STK26: variants seen among roughly 807,000 people sequenced by gnomAD.
STK26 encodes the protein serine/threonine kinase 26, also known as serine/threonine-protein kinase 26.
Under a neutral mutation model 34.7 loss-of-function variants are expected in STK26, and 14 were observed. That is an observed-to-expected ratio of 0.40 (90% CI 0.27 to 0.63). STK26 has a LOEUF of 0.63. STK26 is among the 30% of genes least tolerant of loss of function. The probability of loss-of-function intolerance (pLI) is 0.38; values close to 1 mark genes in which losing one functional copy is unlikely to be tolerated. For synonymous variants in STK26, 100 were observed against 109.8 expected, an observed-to-expected ratio of 0.91 and a Z score of 0.56; for missense variants, 226 against 309.1, an observed-to-expected ratio of 0.73 and a Z score of 2.02.
At chrX:132,045,009 G>C (rs1926449740) in intron 2 of STK26, among the ~76,000 whole-genome samples, 2 of 106,236 alleles carry the variant, frequency 1.9e-5, no homozygotes, top group African/African-American at 3.4e-5. Context: ...AAAACTTTAG[G>C]TCCTGTATGA....
chrX:132,070,370 T>C (rs990597510), intron 7 of STK26, among the ~76,000 whole-genome samples: 2 of 112,197 alleles, frequency 1.8e-5, no homozygotes, highest in Admixed American at 9.5e-5. Context: ...GAAACTTCAA[T>C]GTGAAGTTGT....
chrX:132,031,051 C>T (rs1488928284), intron 2 of STK26, among the ~76,000 whole-genome samples: 3 of 110,820 alleles, frequency 2.7e-5, no homozygotes, highest in African/African-American at 9.9e-5. Flanking sequence ...ATCCTCCCAC[C>T]TCATCCTCCT....
chrX:132,032,315 G>A (rs1394091386), intron 2 of STK26, among the ~76,000 whole-genome samples: 1 of 112,283 alleles, frequency 8.9e-6, no homozygotes, highest in African/African-American at 3.2e-5. Context: ...GGGCCCCAGA[G>A]TAAACAAAAT....
intron 2 of STK26, 141 bp downstream of exon 2, chrX:132,023,800 G>C: frequency 1.4e-6 from 1 of 739,381 alleles, no homozygotes; most frequent in Non-Finnish European, 1.9e-6. Context: ...GGTGACCTGG[G>C]AGTAGGGCTG....
chrX:132,030,416 C>T (rs915652592), intron 2 of STK26, among the ~76,000 whole-genome samples: 24 of 110,633 alleles, frequency 2.2e-4, no homozygotes, highest in Middle Eastern at 4.7e-3. Context: ...TTCCCTCCCA[C>T]TCCCCAAAAA....
intron 3 of STK26, among the ~76,000 whole-genome samples, chrX:132,061,846 C>T (rs1403490279): frequency 9.0e-6 from 1 of 111,367 alleles, no homozygotes; most frequent in African/African-American, 3.3e-5. Context: ...TCCTGAATAC[C>T]TCCCAGGGAT....
intron 4 of STK26, among the ~76,000 whole-genome samples, chrX:132,064,442 C>A (rs1047892009): frequency 8.9e-6 from 1 of 112,151 alleles, no homozygotes; most frequent in African/African-American, 3.2e-5. Flanking sequence ...ACACAGAATG[C>A]CTTTGAGAAA....
intron 3 of STK26, among the ~76,000 whole-genome samples, chrX:132,059,147 A>G (rs1926963790): frequency 9.0e-6 from 1 of 111,726 alleles, no homozygotes; most frequent in Non-Finnish European, 1.9e-5. Flanking sequence ...AGTCAAGGCC[A>G]CATCCTCTTT....
At chrX:132,037,782 T>TTTTTTTTTTTTTTTTTTC (rs1926112565) in intron 2 of STK26, among the ~76,000 whole-genome samples, 1 of 103,105 alleles carries the variant, frequency 9.7e-6, no homozygotes. Flanking sequence ...TTTTTTTTTT[T>TTTTTTTTTTTTTTTTTTC]TTTTTTTTTT....
At chrX:132,074,110 T>G (rs760869930) in intron 11 of STK26, 25 bp from the exon 12 acceptor site, 1 of 1,185,937 alleles carries the variant, frequency 8.4e-7, no homozygotes, top group East Asian at 3.0e-5. Flanking sequence ...TGTACATTGG[T>G]TTAAATTTTT....
Position 132,068,202 on chromosome X carries a change from T to G in STK26, c.331-13T>G, listed in dbSNP as rs929234780. The G allele has an allele frequency of 1.7e-6, 2 of 1,171,573 alleles. No individual in the cohort carries two copies. Among genetic ancestry groups the G allele is most frequent in the South Asian group, 3.8e-5 (2 of 53,114 alleles). On this transcript the variant is annotated splice_polypyrimidine_tract_variant and intron_variant, in intron 4 of 11. Coordinates refer to ENST00000394334, the MANE Select transcript of STK26 (RefSeq NM_016542.4). ...CACATATGTGTATGTGTGTGTGTGTTTTTCCCCTTAAGCTTCGAGCTGGTC... is the reference window on the plus strand; with the variant it reads ...CACATATGTGTATGTGTGTGTGTGTGTTTCCCCTTAAGCTTCGAGCTGGTC...
At chrX:132,038,423 A>T (rs1242705465) in intron 2 of STK26, among the ~76,000 whole-genome samples, 1 of 111,450 alleles carries the variant, frequency 9.0e-6, no homozygotes, top group Non-Finnish European at 1.9e-5. Flanking sequence ...TCGTTGGTAG[A>T]AAGCTTGTGA....
At chrX:132,062,824 G>C (rs1176134490) in intron 3 of STK26, among the ~76,000 whole-genome samples, 1 of 111,739 alleles carries the variant, frequency 8.9e-6, no homozygotes, top group Non-Finnish European at 1.9e-5. Flanking sequence ...TATTTGTTTA[G>C]CTATATCATA....
At chrX:132,047,405 A>G (rs1050431961) in intron 2 of STK26, among the ~76,000 whole-genome samples, 6 of 112,218 alleles carry the variant, frequency 5.3e-5, no homozygotes, top group Non-Finnish European at 1.1e-4. Flanking sequence ...TTAACAATTG[A>G]TGCTAAATGT....
At chrX:132,059,837 C>T (rs745492023) in intron 3 of STK26, among the ~76,000 whole-genome samples, 3 of 111,226 alleles carry the variant, frequency 2.7e-5, no homozygotes, top group Non-Finnish European at 5.7e-5. Context: ...ATCTGTACGG[C>T]TTTGTGGCCT....
intron 2 of STK26, among the ~76,000 whole-genome samples, chrX:132,026,587 A>G (rs756956746): frequency 2.0e-4 from 23 of 112,467 alleles, no homozygotes; most frequent in African/African-American, 7.4e-4. Flanking sequence ...GTTTTCAGTT[A>G]TAAATCATAC....
At chrX:132,030,945 AT>A (rs1015275789) in intron 2 of STK26, among the ~76,000 whole-genome samples, 5 of 109,135 alleles carry the variant, frequency 4.6e-5, no homozygotes, top group Admixed American at 1.9e-4. Context: ...ACAGAGTAAT[AT>A]TTTTTTTTGA....
intron 4 of STK26, among the ~76,000 whole-genome samples, chrX:132,063,887 T>TC (rs1218441498): frequency 1.8e-5 from 2 of 111,472 alleles, no homozygotes; most frequent in South Asian, 3.8e-4. Flanking sequence ...AATGTTTGTG[T>TC]CCCCCCAAAA....
At chrX:132,065,141 G>A (rs1485825274) in intron 4 of STK26, among the ~76,000 whole-genome samples, 6 of 110,707 alleles carry the variant, frequency 5.4e-5, no homozygotes, top group Non-Finnish European at 9.5e-5. Context: ...TTTTTCTCTC[G>A]TCTCTAGTGA....
Sources: allele counts gnomAD v4.1 joint callset (sites outside exome capture counted in the v4.1 genomes callset), GRCh38; gene constraint gnomAD v4.1.1; transcripts MANE v1.5; gene names NCBI Gene and HGNC (gene_info 2026-07-23, HGNC 2026-07-21).